The following MANSC4 variants were observed in gnomAD, a reference collection of about 807,000 sequenced individuals.
MANSC4 encodes the protein MANSC domain-containing protein 4.
In MANSC4, 11 loss-of-function variants were observed where a neutral mutation model predicts 11.4. The observed-to-expected ratio is 0.97, with a 90% CI of 0.61 to 1.60. MANSC4 has a LOEUF of 1.60. Ranked by LOEUF, MANSC4 falls within the 40% of genes most tolerant of loss-of-function variation. The pLI is 0.00. For synonymous variants in MANSC4, 123 were observed against 147.1 expected (o/e 0.84, Z 1.19); for missense variants, 354 against 404.6 (o/e 0.88, Z 1.07).
At chr12:27,765,299 T>G (rs2140797002) in intron 3 of MANSC4, among the ~76,000 whole-genome samples, 1 of 152,350 alleles carries the variant, frequency 6.6e-6, no homozygotes, top group South Asian at 2.1e-4. Context: ...GATTTTCTAA[T>G]CTGTACCTGC....
At position 27,771,095 on chromosome 12, in the gene MANSC4, T is replaced by C. The variant is rs774430911; in HGVS notation, c.182A>G (p.Glu61Gly). ...CCTACTGCACTTCTGGCCAGTGCTT[T>C]CAGAATAATACTTCAAGAACTGGGC... ...LGAQFLKYYSESTGQKCSRSC... is the reference protein window; with the variant it reads ...LGAQFLKYYSGSTGQKCSRSC... The change falls in exon 2 of 4, where the codon GAA becomes GGA. Residue 61 changes from glutamate (E) to glycine (G), a missense_variant. Physicochemically the swap from Glu to Gly is moderately conservative, Grantham distance 98. Coordinates refer to ENST00000381273, the MANE Select transcript of MANSC4 (RefSeq NM_001146221.5). 10 of 1,551,748 alleles carry C rather than the reference T, an allele frequency of 6.4e-6. No individual in the cohort carries two copies. The South Asian group carries it at 1.2e-4, about 18-fold the overall frequency.
intron 3 of MANSC4, 36 bp from the exon 4 acceptor site, chr12:27,763,432 T>G: frequency 2.7e-6 from 4 of 1,499,794 alleles, no homozygotes; most frequent in Non-Finnish European, 3.6e-6. Flanking sequence ...ATTTTATTTT[T>G]ACTTTCAAAG....
At chr12:27,774,534 C>T (rs1440473978) in intron 1 of MANSC4, among the ~76,000 whole-genome samples, 1 of 152,110 alleles carries the variant, frequency 6.6e-6, no homozygotes, top group African/African-American at 2.4e-5. Flanking sequence ...TAATAAACAT[C>T]TTTCTGGATA....
intron 1 of MANSC4, among the ~76,000 whole-genome samples, chr12:27,774,507 T>C (rs999430906): frequency 5.3e-5 from 8 of 152,164 alleles, no homozygotes; most frequent in African/African-American, 1.9e-4. Context: ...GAGAAACTAT[T>C]CAAGCACTTA....
intron 1 of MANSC4, among the ~76,000 whole-genome samples, chr12:27,772,036 C>T (rs2062102944): frequency 6.6e-6 from 1 of 151,156 alleles, no homozygotes; most frequent in Non-Finnish European, 1.5e-5. Context: ...GAGCGAGACC[C>T]TGTCCCAGAA....
intron 2 of MANSC4, among the ~76,000 whole-genome samples, chr12:27,770,674 A>C (rs974653306): frequency 6.6e-6 from 1 of 152,152 alleles, no homozygotes; most frequent in Non-Finnish European, 1.5e-5. Context: ...CCCTGTCTCT[A>C]AAAATTTAAA....
intron 3 of MANSC4, among the ~76,000 whole-genome samples, 198 bp from the exon 4 acceptor site, chr12:27,763,594 CT>C (rs926783281): frequency 2.0e-4 from 29 of 148,244 alleles, no homozygotes; most frequent in African/African-American, 4.7e-4. Context: ...TTCTAAAACA[CT>C]TTTTTTTTTA....
intron 3 of MANSC4, among the ~76,000 whole-genome samples, chr12:27,764,533 T>G (rs1022785717): frequency 6.6e-6 from 1 of 152,154 alleles, no homozygotes; most frequent in Non-Finnish European, 1.5e-5. Context: ...TCTCACTGGT[T>G]GTGTGGTTTC....
chr12:27,777,958 GC>G lies in MANSC4; in HGVS notation c.-307+2251del, dbSNP rs761253929. Among the ~76,000 whole-genome samples the G allele has an allele frequency of 1.3e-5, 2 of 151,926 alleles. 1 individual carries two copies. Among genetic ancestry groups the G allele is most frequent in the Non-Finnish European group, 2.9e-5 (2 of 67,960 alleles). On this transcript the variant is annotated intron_variant, in intron 1 of 3. Transcript: ENST00000381273. ...GCATTTTTTTTTGCTGGGCATGGAG[GC>G]TCATGCCTGTAATCCCAGCACTTTG...
At position 27,778,961 on chromosome 12, in the gene MANSC4, C is replaced by T. The variant is rs113078212; in HGVS notation, c.-307+1249G>A. Among the ~76,000 whole-genome samples the T allele has an allele frequency of 2.6e-5, 4 of 152,310 alleles. No homozygotes were observed. In the South Asian group the frequency reaches 8.3e-4, roughly 32 times the overall value. ...TCGGCTCACTGCAACCTCCGCCTCC[C>T]GGGTTCCAGCAATTCTCCTGCCTCA... On this transcript the variant is annotated intron_variant, in intron 1 of 3. Coordinates refer to ENST00000381273, the MANE Select transcript of MANSC4 (RefSeq NM_001146221.5).
Position 27,762,805 on chromosome 12 carries a change from G to A in MANSC4, c.956C>T (p.Pro319Leu). The A allele has an allele frequency of 1.3e-6, 2 of 1,551,616 alleles. No individual in the cohort carries two copies. The highest frequency in any genetic ancestry group is 1.7e-6 in the Non-Finnish European group (2 of 1,146,992). ...CAAGGATCCTGATTTTCTCTGTCCT[G>A]GTTTATACTGGCCCTGCTGCTTTCC... ...CCGKQQGQYK[P>L]GQRKSGSLQI... The change falls in exon 4 of 4, where the codon CCA becomes CTA. Residue 319 changes from proline to leucine, a missense_variant. Transcript: ENST00000381273.
rs1466416424 is a variant in MANSC4 at position 27,766,751 on chromosome 12, A to G, written c.278T>C (p.Ile93Thr). Residue 93 changes from isoleucine (I) to threonine (T), a missense_variant, in exon 3 of 4, where the codon ATC becomes ACC. Transcript: ENST00000381273. ...TGGGCAGTGAACATGGAGGCAGTTGATATTGTCATGAATAGGACTGTGGTA... is the reference window on the plus strand; with the variant it reads ...TGGGCAGTGAACATGGAGGCAGTTGGTATTGTCATGAATAGGACTGTGGTA... ...VFYHSPIHDNINCLHVHCPTL... is the reference protein window; with the variant it reads ...VFYHSPIHDNTNCLHVHCPTL... 3.2e-6 allele frequency: 5 copies of G among 1,551,646 alleles called. No individual in the cohort carries two copies. The highest frequency in any genetic ancestry group is 2.4e-5 in the East Asian group (1 of 40,918).
intron 3 of MANSC4, 98 bp from the exon 4 acceptor site, chr12:27,763,494 G>T: frequency 1.8e-6 from 2 of 1,110,670 alleles, no homozygotes; most frequent in Non-Finnish European, 2.5e-6. Context: ...GCCGCTATGA[G>T]TTATCGAACG....
At chr12:27,764,764 A>G (rs1398203731) in intron 3 of MANSC4, among the ~76,000 whole-genome samples, 7 of 152,080 alleles carry the variant, frequency 4.6e-5, no homozygotes, top group Non-Finnish European at 4.4e-5. Flanking sequence ...AATATGCCCA[A>G]AGCCAAAATC....
rs1372844028 is a variant in MANSC4 at position 27,780,227 on chromosome 12, GC to G, written c.-325del. 8.8e-7 allele frequency: 1 copy of G among 1,137,726 alleles called. No individual in the cohort carries two copies. The highest frequency in any genetic ancestry group is 1.1e-6 in the Non-Finnish European group (1 of 878,868). The allele number at this position is 1,137,726 out of a possible 1,614,324, so 70.5% of individuals were successfully genotyped here. On this transcript the variant is annotated 5_prime_UTR_variant, in exon 1 of 4. The change abolishes the stop of an existing upstream ORF in the 5' untranslated region. Coordinates refer to ENST00000381273, the MANE Select transcript of MANSC4 (RefSeq NM_001146221.5). The surrounding 1 kb of genome is among the most constrained non-coding windows in gnomAD (Gnocchi z 8.8). Reference sequence around the variant, plus strand: ...GCCCTCACCTCGCCGCTCCTCCCGGGCCGCCATCCCTCGGCGCCCCGCCCGG... The same window carrying G: ...GCCCTCACCTCGCCGCTCCTCCCGGGCGCCATCCCTCGGCGCCCCGCCCGG...
chr12:27,763,684 G>C (rs900375883), intron 3 of MANSC4, among the ~76,000 whole-genome samples: 3 of 151,988 alleles, frequency 2.0e-5, no homozygotes, highest in African/African-American at 7.2e-5. Context: ...GTTACTTTGA[G>C]AGCTGTAGAA....
Position 27,762,757 on chromosome 12 carries a change from A to G in MANSC4, c.1004T>C (p.Met335Thr). The change falls in exon 4 of 4, where the codon ATG becomes ACG. Residue 335 changes from methionine (M) to threonine (T), a missense_variant. Met to Thr is a moderately conservative substitution (Grantham distance 81). Coordinates refer to ENST00000381273, the MANE Select transcript of MANSC4 (RefSeq NM_001146221.5). Reference sequence around the variant, plus strand: ...TTTTTACTATGAAGAGTTCTCCTTCATATGGTTACGGTTTTTAATTTGCAA... The same window carrying G: ...TTTTTACTATGAAGAGTTCTCCTTCGTATGGTTACGGTTTTTAATTTGCAA... The part of the protein sequence containing the change: ...GSLQIKNRNH[M>T]KENSS 3 of 1,539,830 alleles carry G rather than the reference A, an allele frequency of 1.9e-6. No homozygotes were observed. The South Asian group carries it at 3.7e-5, about 19-fold the overall frequency.
intron 3 of MANSC4, among the ~76,000 whole-genome samples, chr12:27,764,545 A>G (rs1348535696): frequency 6.6e-6 from 1 of 152,060 alleles, no homozygotes; most frequent in Non-Finnish European, 1.5e-5. Context: ...TGTGGTTTCC[A>G]TAATCTTCAG....
intron 1 of MANSC4, among the ~76,000 whole-genome samples, chr12:27,773,090 C>A (rs28374194): frequency 6.6e-6 from 1 of 152,168 alleles, no homozygotes; most frequent in Admixed American, 6.6e-5. Flanking sequence ...TGCCTATAAT[C>A]CCAGCACTGT....
Sources: gnomAD v4.1 joint callset for allele counts (sites outside exome capture counted in the v4.1 genomes callset) on GRCh38, gnomAD v4.1.1 for gene constraint, Gnocchi (gnomAD v3.1) non-coding constraint, MANE v1.5 for transcripts, NCBI Gene and HGNC (gene_info 2026-07-23, HGNC 2026-07-21) for gene names.